Variants in PHF19 observed in about 807,000 individuals in gnomAD.
PHF19 encodes the protein PHD finger protein 19, also known as polycomb like 3.
PHF19 carries 21 observed loss-of-function variants against 79.8 expected under a neutral mutation model. The observed-to-expected ratio is 0.26, with a 90% CI of 0.19 to 0.38. The LOEUF is 0.38. PHF19 is among the 10% of genes least tolerant of loss of function. The pLI, the probability that PHF19 is intolerant of heterozygous loss-of-function variation, is 1.00. For synonymous variants in PHF19, 273 were observed against 296.3 expected (o/e 0.92, Z 0.81); for missense variants, 445 against 744.2 (o/e 0.60, Z 4.68).
chr9:120,874,921 T>TTATTAG lies in PHF19; in HGVS notation c.-15-166_-15-165insCTAATA, dbSNP rs2046004524. 6.6e-6 allele frequency among the ~76,000 whole-genome samples: 1 copy of TTATTAG among 152,200 alleles called. No homozygotes were observed. The highest frequency in any genetic ancestry group is 6.5e-5 in the Admixed American group (1 of 15,286). ...TCCTATGAGGGAGACATTATTATTA[T>TTATTAG]TCACATCTTACAGATAGGGAAACAG... On this transcript the variant is annotated intron_variant, in intron 1 of 14. Transcript: ENST00000373896. This position sits in a 1 kb window ranked among gnomAD's most constrained non-coding sequence, Gnocchi z 4.5.
chr9:120,894,588 G>A (rs1422567201), intron 1 of PHF19, among the ~76,000 whole-genome samples: 4 of 151,980 alleles, frequency 2.6e-5, no homozygotes, highest in Non-Finnish European at 5.9e-5. Flanking sequence ...CCCCTGATAG[G>A]GCGCGCAGGC....
chr9:120,888,097 C>T (rs559512295), intron 1 of PHF19, among the ~76,000 whole-genome samples: 71 of 152,306 alleles, frequency 4.7e-4, no homozygotes, highest in African/African-American at 1.6e-3. Flanking sequence ...CTCAGCCTCC[C>T]AAGTAGCTGG....
intron 1 of PHF19, chr9:120,894,727 C>G: frequency 3.3e-6 from 3 of 917,382 alleles, no homozygotes; most frequent in Non-Finnish European, 4.2e-6. Context: ...CCCACCCGGC[C>G]GCCCGCGGCT....
At chr9:120,864,814 A>G (rs894649044) in intron 9 of PHF19, among the ~76,000 whole-genome samples, 1 of 152,228 alleles carries the variant, frequency 6.6e-6, no homozygotes, top group Non-Finnish European at 1.5e-5. Context: ...AAAGATATAC[A>G]TAGAAGAGAG....
At chr9:120,880,493 CAACA>C (rs964594898), upstream of PHF19, among the ~76,000 whole-genome samples, 16 of 151,358 alleles carry the variant, frequency 1.1e-4, no homozygotes, top group African/African-American at 2.4e-4. Context: ...GACTCCGTCT[CAACA>C]AACAAACAGC....
At chr9:120,882,575 C>T (rs1396539544) in intron 1 of PHF19, among the ~76,000 whole-genome samples, 4 of 152,194 alleles carry the variant, frequency 2.6e-5, no homozygotes, top group Non-Finnish European at 5.9e-5. Flanking sequence ...GGCACAGTGG[C>T]TCATGCCTGT....
At chr9:120,858,732 A>G (rs1436039434) in intron 14 of PHF19, among the ~76,000 whole-genome samples, 1 of 151,608 alleles carries the variant, frequency 6.6e-6, no homozygotes, top group Non-Finnish European at 1.5e-5. Flanking sequence ...CTGGTGGAAC[A>G]AGATAGGTCA....
chr9:120,879,763 A>T (rs2046152099), upstream of PHF19, among the ~76,000 whole-genome samples: 1 of 152,218 alleles, frequency 6.6e-6, no homozygotes, highest in Non-Finnish European at 1.5e-5. Context: ...TTGTGGAAAT[A>T]GGGAGGTGGG....
upstream of PHF19, among the ~76,000 whole-genome samples, chr9:120,882,044 G>T (rs573362020): frequency 6.6e-6 from 1 of 152,258 alleles, no homozygotes; most frequent in Non-Finnish European, 1.5e-5. Context: ...ACAGGTGCGT[G>T]CCACTGCACC....
chr9:120,883,775 A>T (rs1007729749), intron 1 of PHF19, among the ~76,000 whole-genome samples: 3 of 151,858 alleles, frequency 2.0e-5, no homozygotes, highest in Non-Finnish European at 2.9e-5. Flanking sequence ...AAAAAAAAAA[A>T]AAAAAATAGA....
At chr9:120,881,556 A>T (rs779544186), upstream of PHF19, among the ~76,000 whole-genome samples, 1 of 152,314 alleles carries the variant, frequency 6.6e-6, no homozygotes, top group African/African-American at 2.4e-5. Context: ...TGGTTGATCC[A>T]TAGTTGTTCT....
upstream of PHF19, among the ~76,000 whole-genome samples, chr9:120,881,747 G>A (rs1355174155): frequency 2.0e-5 from 3 of 152,046 alleles, no homozygotes; most frequent in Non-Finnish European, 4.4e-5. Flanking sequence ...GCATGGGACT[G>A]ATCACCCTTC....
upstream of PHF19, among the ~76,000 whole-genome samples, chr9:120,881,486 G>GA (rs1357906253): frequency 6.6e-6 from 1 of 151,182 alleles, no homozygotes; most frequent in Non-Finnish European, 1.5e-5. Context: ...TTATTTCTTA[G>GA]AAAAAAAAAT....
At chr9:120,868,796 G>T (rs1378974805) in intron 6 of PHF19, 14 of 989,664 alleles carry the variant, frequency 1.4e-5, no homozygotes, top group Non-Finnish European at 1.7e-5. Flanking sequence ...GGTGCTTCTC[G>T]ACCTGCCTCA....
At chr9:120,886,949 A>G (rs1432138331) in intron 1 of PHF19, among the ~76,000 whole-genome samples, 1 of 151,582 alleles carries the variant, frequency 6.6e-6, no homozygotes, top group African/African-American at 2.4e-5. Flanking sequence ...ACACACCTAT[A>G]CAGCTACCCG....
Position 120,874,761 on chromosome 9 carries a change from G to T in PHF19, c.-15-5C>A, listed in dbSNP as rs747911543. The stretch of plus-strand genomic sequence containing the variant: ...CTCCATCAGCTTCCCCTGACACTGG[G>T]AGAGAAAGAACAGGGTTTTTGCTTC... On this transcript the variant is annotated splice_polypyrimidine_tract_variant and splice_region_variant and intron_variant, in intron 1 of 14. Coordinates refer to ENST00000373896, the MANE Select transcript of PHF19 (RefSeq NM_015651.3). The surrounding 1 kb of genome is among the most constrained non-coding windows in gnomAD (Gnocchi z 4.5). The T allele has an allele frequency of 9.4e-6, 15 of 1,601,878 alleles. No individual in the cohort carries two copies. The highest frequency in any genetic ancestry group is 1.3e-5 in the Non-Finnish European group (15 of 1,170,718).
At chr9:120,872,037 CAAAA>C (rs1170243737) in intron 3 of PHF19, among the ~76,000 whole-genome samples, 6 of 30,322 alleles carry the variant, frequency 2.0e-4, no homozygotes, top group African/African-American at 6.6e-4. Context: ...GACTCTGTCT[CAAAA>C]AAAAAAAAAA....
chr9:120,861,253 A>T, intron 12 of PHF19, 79 bp from the exon 13 acceptor site: 6 of 851,644 alleles, frequency 7.0e-6, no homozygotes, highest in Non-Finnish European at 1.0e-5. Flanking sequence ...CCTCCTATCC[A>T]GCCAGGGCCG....
In PHF19 at chr9:120,887,621, A is replaced by AACACACACAC. The variant is rs764204141; in HGVS notation, c.42+7157_42+7166dup. 2.0e-4 allele frequency among the ~76,000 whole-genome samples: 23 copies of AACACACACAC among 113,640 alleles called. 1 individual carries two copies. Among genetic ancestry groups the AACACACACAC allele is most frequent in the African/African-American group, 7.3e-4 (21 of 28,632 alleles). 74.6% of individuals were successfully genotyped at this position (113,640 alleles called of 152,430 possible). On this transcript the variant is annotated intron_variant, in intron 1 of 14. Coordinates refer to the PHF19 transcript ENST00000616568. The stretch of plus-strand genomic sequence containing the variant: ...TCTTAAATACATCTGTTTATGAACA[A>AACACACACAC]ACACACACACACACACACACACACA...
Sources: gnomAD v4.1 joint callset for allele counts (sites outside exome capture counted in the v4.1 genomes callset) on GRCh38, gnomAD v4.1.1 for gene constraint, Gnocchi (gnomAD v3.1) non-coding constraint, MANE v1.5 for transcripts, NCBI Gene and HGNC (gene_info 2026-07-23, HGNC 2026-07-21) for gene names.